The following FGF14 variants were observed in gnomAD, a reference collection of about 807,000 sequenced individuals.
FGF14 encodes fibroblast growth factor 14.
In FGF14, 5 loss-of-function variants were observed where a neutral mutation model predicts 25.5. That is an observed-to-expected ratio of 0.20 (90% CI 0.10 to 0.41). FGF14 has a LOEUF of 0.41. FGF14 is among the 10% of genes least tolerant of loss of function. The pLI is 1.00. For missense variants in FGF14, 222 were observed against 320.1 expected (o/e 0.69, Z 2.34); for synonymous variants, 138 against 118.3 (o/e 1.17, Z -1.08).
At chr13:102,328,179 T>C (rs912304801) in intron 1 of FGF14, among the ~76,000 whole-genome samples, 1 of 152,196 alleles carries the variant, frequency 6.6e-6, no homozygotes, top group Non-Finnish European at 1.5e-5. Flanking sequence ...AATTTTAACA[T>C]AAACAAACAT....
intron 1 of FGF14, among the ~76,000 whole-genome samples, chr13:102,007,639 T>C (rs1208699622): frequency 6.6e-6 from 1 of 152,202 alleles, no homozygotes; most frequent in Non-Finnish European, 1.5e-5. Flanking sequence ...GTGATGTTCA[T>C]CAAACTCTTT....
At chr13:102,229,748 A>G (rs923944752) in intron 1 of FGF14, among the ~76,000 whole-genome samples, 4 of 152,208 alleles carry the variant, frequency 2.6e-5, no homozygotes, top group African/African-American at 7.2e-5. Context: ...CTAAGTGTGT[A>G]CTTACCAATG....
intron 2 of FGF14, among the ~76,000 whole-genome samples, chr13:101,871,751 A>C (rs756117891): frequency 1.2e-4 from 19 of 152,048 alleles, no homozygotes; most frequent in Non-Finnish European, 2.5e-4. Context: ...TGACATTTAG[A>C]AGAACTTTAA....
chr13:101,951,338 G>A (rs1283230719), intron 1 of FGF14, among the ~76,000 whole-genome samples: 1 of 152,094 alleles, frequency 6.6e-6, no homozygotes, highest in East Asian at 1.9e-4. Context: ...CTAAGAGGGT[G>A]ATGAAAGTCT....
intron 1 of FGF14, chr13:102,367,541 T>G (rs2057748505): frequency 6.6e-6 from 1 of 151,780 alleles, no homozygotes; most frequent in Non-Finnish European, 1.5e-5. Context: ...AACAAGGGCA[T>G]GAACCCCAAG....
chr13:101,984,428 C>T (rs963341926), intron 1 of FGF14, among the ~76,000 whole-genome samples: 1 of 151,942 alleles, frequency 6.6e-6, no homozygotes, highest in Non-Finnish European at 1.5e-5. Flanking sequence ...CTATCTAGTA[C>T]TTGATTTTCA....
At chr13:101,821,062 C>T (rs1232053858) in intron 3 of FGF14, among the ~76,000 whole-genome samples, 1 of 148,590 alleles carries the variant, frequency 6.7e-6, no homozygotes, top group East Asian at 2.0e-4. Flanking sequence ...CATTCTCCTG[C>T]CTCAGCCTCC....
At chr13:102,068,678 C>T (rs1348894138) in intron 1 of FGF14, among the ~76,000 whole-genome samples, 12 of 152,344 alleles carry the variant, frequency 7.9e-5, no homozygotes, top group Admixed American at 2.6e-4. Context: ...GCGCTGTGCT[C>T]GATTTCTCGC....
chr13:101,876,595 T>C (rs779414297), intron 1 of FGF14, among the ~76,000 whole-genome samples: 1 of 152,158 alleles, frequency 6.6e-6, no homozygotes, highest in Non-Finnish European at 1.5e-5. Context: ...GGTATAATAT[T>C]GGAAAAATCC....
intron 1 of FGF14, among the ~76,000 whole-genome samples, chr13:102,247,233 A>T (rs2051921366): frequency 6.6e-6 from 1 of 152,190 alleles, no homozygotes; most frequent in South Asian, 2.1e-4. Context: ...ACCTTGACAA[A>T]CGGTATTTCA....
chr13:102,213,746 G>A (rs2050254248), intron 1 of FGF14, among the ~76,000 whole-genome samples: 1 of 152,128 alleles, frequency 6.6e-6, no homozygotes, highest in Non-Finnish European at 1.5e-5. Flanking sequence ...GTTTGCTTCT[G>A]CCTGCCAACA....
chr13:101,784,736 G>A (rs761809574), intron 3 of FGF14, among the ~76,000 whole-genome samples: 3 of 152,000 alleles, frequency 2.0e-5, no homozygotes, highest in Non-Finnish European at 4.4e-5. Context: ...GCTTTCCAGG[G>A]TCAGCATGTG....
chr13:101,997,270 T>G (rs2039235937), intron 1 of FGF14, among the ~76,000 whole-genome samples: 1 of 151,178 alleles, frequency 6.6e-6, no homozygotes, highest in East Asian at 1.9e-4. Context: ...GTGCCCACTA[T>G]GCACTGAGTC....
intron 3 of FGF14, among the ~76,000 whole-genome samples, chr13:101,863,908 G>A (rs892381760): frequency 6.6e-6 from 1 of 152,004 alleles, no homozygotes; most frequent in Non-Finnish European, 1.5e-5. Flanking sequence ...AAGGACAGAC[G>A]GAAACACAAC....
chr13:102,037,726 T>C (rs1432801055), intron 1 of FGF14, among the ~76,000 whole-genome samples: 1 of 152,144 alleles, frequency 6.6e-6, no homozygotes, highest in Non-Finnish European at 1.5e-5. Flanking sequence ...TATATAAACA[T>C]TTATTAAAGA....
chr13:102,234,592 A>G (rs1797163791), intron 1 of FGF14, among the ~76,000 whole-genome samples: 2 of 152,192 alleles, frequency 1.3e-5, no homozygotes. Flanking sequence ...ATAAAATAAA[A>G]TAATTTTTTA....
rs1594011477 is a variant in FGF14, at chr13:101,716,026, T to C, written c.*6805A>G. 2 of 177,554 alleles carry C rather than the reference T, an allele frequency of 1.1e-5. No individual in the cohort carries two copies. Among genetic ancestry groups the C allele is most frequent in the East Asian group, 3.0e-4 (2 of 6,580 alleles). The allele number at this position is 177,554 out of a possible 1,614,324, so 11.0% of individuals were successfully genotyped here. On this transcript the variant is annotated 3_prime_UTR_variant, in exon 5 of 5. Coordinates refer to ENST00000376143, the MANE Select transcript of FGF14 (RefSeq NM_004115.4). ...AGGGATGCTGCTGAGCATCCCGCAG[T>C]GTACAGGACAGCCCCCAAACAAGGA...
chr13:102,286,607 T>A (rs538606767), intron 1 of FGF14, among the ~76,000 whole-genome samples: 1 of 152,162 alleles, frequency 6.6e-6, no homozygotes, highest in Non-Finnish European at 1.5e-5. Context: ...TAAATAAATG[T>A]ATCCGTGAAT....
chr13:101,760,345 C>A (rs947020292), intron 3 of FGF14, among the ~76,000 whole-genome samples: 1 of 152,144 alleles, frequency 6.6e-6, no homozygotes, highest in African/African-American at 2.4e-5. Flanking sequence ...TTGTCTAAGA[C>A]CTTCACTTAT....
Sources: gnomAD v4.1 joint callset for allele counts (sites outside exome capture counted in the v4.1 genomes callset) on GRCh38, gnomAD v4.1.1 for gene constraint, MANE v1.5 for transcripts, NCBI Gene and HGNC (gene_info 2026-07-23, HGNC 2026-07-21) for gene names.